The following FBXO25 variants were observed in gnomAD, a reference collection of about 807,000 sequenced individuals.
FBXO25 encodes the protein F-box only protein 25.
Under a neutral mutation model 51.9 loss-of-function variants are expected in FBXO25, and 45 were observed. The observed-to-expected ratio is 0.87, with a 90% CI of 0.68 to 1.11. The LOEUF (loss-of-function observed/expected upper bound fraction) is 1.11. FBXO25 is among the 50% of genes most tolerant of loss of function. The pLI, the probability that FBXO25 is intolerant of heterozygous loss-of-function variation, is 0.00. For missense variants in FBXO25, 507 were observed against 428.5 expected, an observed-to-expected ratio of 1.18 and a Z score of -1.62; for synonymous variants, 199 against 151.0, an observed-to-expected ratio of 1.32 and a Z score of -2.33.
intron 2 of FBXO25, among the ~76,000 whole-genome samples, chr8:420,790 G>C (rs145759831): frequency 2.2e-4 from 33 of 152,326 alleles, no homozygotes; most frequent in African/African-American, 7.7e-4. Context: ...TGGGGAAAAG[G>C]AGTTGATGAC....
rs935791835 is a variant in FBXO25, at chr8:471,024, G to C, written c.*2220G>C. The C allele has an allele frequency of 1.3e-5, 2 of 152,158 alleles. No individual in the cohort carries two copies. The highest frequency in any genetic ancestry group is 2.1e-4 in the South Asian group (1 of 4,828). The allele number at this position is 152,158 out of a possible 1,614,324, so 9.4% of individuals were successfully genotyped here. ...CATTTAATTGTTAGATGTTATAACAGTTCTCAGCTGTGCTATCAAATCACA... is the reference window on the plus strand; with the variant it reads ...CATTTAATTGTTAGATGTTATAACACTTCTCAGCTGTGCTATCAAATCACA... On this transcript the variant is annotated 3_prime_UTR_variant, in exon 10 of 10. Transcript: ENST00000350302.
At position 435,651 on chromosome 8, in the gene FBXO25, C is replaced by T. The variant is rs1270114538; in HGVS notation, c.325C>T (p.Arg109Trp). Residue 109 changes from arginine (R) to tryptophan (W), a missense_variant, in exon 5 of 10, where the codon CGG becomes TGG. Coordinates refer to ENST00000350302, the MANE Select transcript of FBXO25 (RefSeq NM_183420.2). ...TTGCACCTTGGGAGAAGCCTTTAATCGGTTAGACTTCTCAAGTGCAATTCA... is the reference window on the plus strand; with the variant it reads ...TTGCACCTTGGGAGAAGCCTTTAATTGGTTAGACTTCTCAAGTGCAATTCA... ...GYCTLGEAFN[R>W]LDFSSAIQDI... is the part of the protein sequence containing the mutation. 7 of 1,605,898 alleles carry T rather than the reference C, an allele frequency of 4.4e-6. No homozygotes were observed. The highest frequency in any genetic ancestry group is 1.3e-5 in the African/African-American group (1 of 74,624).
intron 9 of FBXO25, among the ~76,000 whole-genome samples, chr8:466,366 T>C (rs1056567170): frequency 3.3e-5 from 5 of 152,186 alleles, no homozygotes; most frequent in African/African-American, 9.7e-5. Context: ...TTTGACGCCA[T>C]GACCCACCAC....
At chr8:415,646 A>G (rs544873771) in intron 2 of FBXO25, among the ~76,000 whole-genome samples, 58 of 152,296 alleles carry the variant, frequency 3.8e-4, no homozygotes, top group Non-Finnish European at 7.9e-4. Context: ...TAAAAGAGTG[A>G]GTCACATATT....
intron 2 of FBXO25, among the ~76,000 whole-genome samples, chr8:423,564 C>G: frequency 6.6e-6 from 1 of 152,114 alleles, no homozygotes; most frequent in Non-Finnish European, 1.5e-5. Flanking sequence ...TCTGTTCCTG[C>G]ATTAATTTGC....
chr8:422,232 C>G (rs1400466550), intron 2 of FBXO25, among the ~76,000 whole-genome samples: 2 of 152,220 alleles, frequency 1.3e-5, no homozygotes, highest in African/African-American at 2.4e-5. Flanking sequence ...CAACCAAGAA[C>G]TCAAAGGTGG....
At chr8:462,324 G>A (rs1334089621) in intron 8 of FBXO25, among the ~76,000 whole-genome samples, 1 of 152,104 alleles carries the variant, frequency 6.6e-6, no homozygotes, top group Non-Finnish European at 1.5e-5. Flanking sequence ...TTTTTAAACT[G>A]GGTTATTTGT....
chr8:471,542 G>A lies in FBXO25; in HGVS notation c.*2738G>A, dbSNP rs1326485946. On this transcript the variant is annotated 3_prime_UTR_variant, in exon 10 of 10. Coordinates refer to ENST00000350302, the MANE Select transcript of FBXO25 (RefSeq NM_183420.2). ...GACCCCAGGAGCCTAAAGCCAGGTA[G>A]TAAGTTTCACTTGCCCATCGCTCCT... 1 of 152,164 alleles carries A rather than the reference G, an allele frequency of 6.6e-6. No homozygotes were observed. Among genetic ancestry groups the A allele is most frequent in the East Asian group, 1.9e-4 (1 of 5,198 alleles). 9.4% of individuals were successfully genotyped at this position (152,164 alleles called of 1,614,324 possible).
intron 5 of FBXO25, among the ~76,000 whole-genome samples, chr8:441,769 C>G (rs55771700): frequency 0.16 from 24,717 of 152,228 alleles, 2,310 homozygotes; most frequent in East Asian, 0.25. Flanking sequence ...AAAAGCTCAT[C>G]TCTGGTCATT....
At chr8:425,329 TTCTC>T (rs1797406919) in intron 2 of FBXO25, among the ~76,000 whole-genome samples, 1 of 152,104 alleles carries the variant, frequency 6.6e-6, no homozygotes, top group East Asian at 1.9e-4. Context: ...CTACACATTT[TTCTC>T]TCTATCCCTT....
Position 474,511 on chromosome 8 carries a change from C to A in FBXO25, c.*5707C>A. The A allele has an allele frequency of 2.9e-6, 1 of 340,714 alleles. No individual in the cohort carries two copies. The highest frequency in any genetic ancestry group is 5.6e-6 in the Non-Finnish European group (1 of 177,294). The allele number at this position is 340,714 out of a possible 1,614,324, so 21.1% of individuals were successfully genotyped here. ...ACGGTGGCTGCACCATTTTACATTC[C>A]CACTGAAGGTTCCAGTTTTGCCACA... is the stretch of plus-strand genomic sequence containing the variant. On this transcript the variant is annotated 3_prime_UTR_variant, in exon 10 of 10. Coordinates refer to ENST00000350302, the MANE Select transcript of FBXO25 (RefSeq NM_183420.2).
chr8:429,553 T>C (rs569475933), intron 2 of FBXO25, among the ~76,000 whole-genome samples: 1 of 152,366 alleles, frequency 6.6e-6, no homozygotes, highest in African/African-American at 2.4e-5. Flanking sequence ...TAAATACTCC[T>C]TTATTAACAT....
At chr8:413,351 T>C in intron 2 of FBXO25, 138 bp downstream of exon 2, 4 of 1,338,182 alleles carry the variant, frequency 3.0e-6, no homozygotes, top group Non-Finnish European at 3.9e-6. Context: ...ACAAGTTGTT[T>C]AGCTAAAAAA....
At chr8:435,459 A>G (rs1269500174) in intron 4 of FBXO25, 156 bp from the exon 5 acceptor site, 3 of 969,602 alleles carry the variant, frequency 3.1e-6, no homozygotes, top group Non-Finnish European at 1.5e-6. Context: ...CATTGCTATA[A>G]TTTTACTATA....
At chr8:409,378 T>A (rs977489188) in intron 1 of FBXO25, among the ~76,000 whole-genome samples, 12 of 152,354 alleles carry the variant, frequency 7.9e-5, no homozygotes, top group African/African-American at 2.6e-4. Flanking sequence ...TTTTTTTATT[T>A]CCATGGCTGC....
In FBXO25 at chr8:469,131, C is replaced by T. The variant is rs143577289; in HGVS notation, c.*327C>T. On this transcript the variant is annotated 3_prime_UTR_variant, in exon 10 of 10. Coordinates refer to ENST00000350302, the MANE Select transcript of FBXO25 (RefSeq NM_183420.2). ...ACATTCTTTGTTGACGTGACACTAA[C>T]GGCCAATAATATGCTTCTTAATTAT... The T allele has an allele frequency of 7.0e-5, 17 of 241,828 alleles. No individual in the cohort carries two copies. The highest frequency in any genetic ancestry group is 1.6e-4 in the South Asian group (1 of 6,404). The allele number at this position is 241,828 out of a possible 1,614,324, so 15.0% of individuals were successfully genotyped here. A position where few individuals can be genotyped will look rare whatever the true frequency, so the allele number is the denominator to read the frequency against.
rs1388109258 is a variant in FBXO25, at chr8:467,796, A to G, written c.988-919A>G. The G allele has an allele frequency of 6.2e-6, 10 of 1,609,406 alleles. No homozygotes were observed. The Admixed American group carries it at 1.0e-4, about 16-fold the overall frequency. ...CCTGTGTTCGGGATGAAAACGTTGC[A>G]TCGTGCTGCATCTCATGCACGTCAT... is the stretch of plus-strand genomic sequence containing the variant. On this transcript the variant is annotated intron_variant, in intron 9 of 9. Coordinates refer to ENST00000350302, the MANE Select transcript of FBXO25 (RefSeq NM_183420.2).
intron 1 of FBXO25, among the ~76,000 whole-genome samples, chr8:410,117 C>T (rs1459062227): frequency 6.6e-6 from 1 of 152,180 alleles, no homozygotes; most frequent in African/African-American, 2.4e-5. Context: ...TCAGAGCTTT[C>T]CCAGCTGATT....
chr8:451,353 T>G lies in FBXO25; in HGVS notation c.560T>G (p.Val187Gly). The G allele has an allele frequency of 6.2e-7, 1 of 1,613,824 alleles. No homozygotes were observed. Among genetic ancestry groups the G allele is most frequent in the Non-Finnish European group, 8.5e-7 (1 of 1,179,834 alleles). Residue 187 changes from valine (V) to glycine (G), a missense_variant, in exon 7 of 10, where the codon GTA (valine) becomes GGA (glycine). Coordinates refer to ENST00000350302, the MANE Select transcript of FBXO25 (RefSeq NM_183420.2). ...ACCCTCTGCATTCTTATTAGAGGAG[T>G]AGGGAAGTCTGTATTAGTGGGAAAC... ...SSTLCILIRG[V>G]GKSVLVGNIN...
Sources: allele counts gnomAD v4.1 joint callset (sites outside exome capture counted in the v4.1 genomes callset), GRCh38; gene constraint gnomAD v4.1.1; transcripts MANE v1.5; gene names NCBI Gene and HGNC (gene_info 2026-07-23, HGNC 2026-07-21).